Variants in MAGI2 observed in about 807,000 individuals in gnomAD.
MAGI2 encodes the protein membrane-associated guanylate kinase, WW and PDZ domain-containing protein 2.
MAGI2 carries 35 observed loss-of-function variants against 133.3 expected under a neutral mutation model. The observed-to-expected ratio is 0.26, with a 90% CI of 0.20 to 0.35. The LOEUF is 0.35. Ranked by LOEUF, MAGI2 falls within the 10% of genes least tolerant of loss-of-function variation. The pLI is 1.00. For synonymous variants in MAGI2, 729 were observed against 710.6 expected (o/e 1.03, Z -0.41); for missense variants, 1,636 against 1,863.4 (o/e 0.88, Z 2.25).
intron 9 of MAGI2, among the ~76,000 whole-genome samples, chr7:78,259,062 C>T (rs1429072089): frequency 6.6e-6 from 1 of 152,116 alleles, no homozygotes; most frequent in Admixed American, 6.6e-5. Flanking sequence ...TTAATTTTTA[C>T]CAATCTAATG....
rs1792040235 is a variant in MAGI2, at chr7:78,248,552, AG to A, written c.2047+7390del. Among the ~76,000 whole-genome samples the A allele has an allele frequency of 2.6e-5, 4 of 152,190 alleles. No homozygotes were observed. In the South Asian group the frequency reaches 8.3e-4, roughly 31 times the overall value. ...TCACATTAACCTTAAGGACACACAG[AG>A]GCTGAAAATAAAGGGATAGAAGAAG... On this transcript the variant is annotated intron_variant, in intron 10 of 21. Coordinates refer to ENST00000354212, the MANE Select transcript of MAGI2 (RefSeq NM_012301.4).
In MAGI2 at chr7:79,054,118, C is replaced by T. The variant is rs562447583; in HGVS notation, c.302-46912G>A. On this transcript the variant is annotated intron_variant, in intron 1 of 21. Transcript: ENST00000354212. ...GGCTGAGGAGGGAGAATCGCTTGAA[C>T]CCGGGAGGCAGAGGTTGCAATGAGC... 2.6e-5 allele frequency among the ~76,000 whole-genome samples: 4 copies of T among 152,242 alleles called. No homozygotes were observed. In the East Asian group the frequency reaches 7.7e-4, roughly 29 times the overall value.
chr7:78,289,890 C>G (rs759122936), intron 9 of MAGI2, among the ~76,000 whole-genome samples: 8 of 152,110 alleles, frequency 5.3e-5, no homozygotes, highest in Non-Finnish European at 1.0e-4. Flanking sequence ...CCTTTACAGA[C>G]AAGCAAATGC....
intron 2 of MAGI2, among the ~76,000 whole-genome samples, chr7:78,643,743 G>A (rs1810543004): frequency 6.6e-6 from 1 of 152,034 alleles, no homozygotes; most frequent in Admixed American, 6.6e-5. Context: ...CAAGGGGTGG[G>A]GGATGGGAAT....
At chr7:79,181,025 TG>T (rs1826570788) in intron 1 of MAGI2, among the ~76,000 whole-genome samples, 1 of 151,984 alleles carries the variant, frequency 6.6e-6, no homozygotes, top group Non-Finnish European at 1.5e-5. Context: ...TCCACCTCTA[TG>T]GCTTTGCAGG....
chr7:79,377,959 A>C (rs1465416971), intron 1 of MAGI2, among the ~76,000 whole-genome samples: 1 of 151,500 alleles, frequency 6.6e-6, no homozygotes, highest in Non-Finnish European at 1.5e-5. Flanking sequence ...GTCAAAAAAT[A>C]CAGTTCATTA....
At chr7:78,735,145 T>C (rs1821726398) in intron 2 of MAGI2, among the ~76,000 whole-genome samples, 1 of 152,224 alleles carries the variant, frequency 6.6e-6, no homozygotes, top group Non-Finnish European at 1.5e-5. Context: ...TCCATGTGTG[T>C]ACAGATTGCC....
intron 1 of MAGI2, among the ~76,000 whole-genome samples, chr7:79,054,318 A>T (rs142637879): frequency 8.7e-4 from 132 of 152,356 alleles, no homozygotes; most frequent in African/African-American, 2.9e-3. Context: ...TTACAAAATT[A>T]TAAAAGTCCT....
intron 9 of MAGI2, among the ~76,000 whole-genome samples, chr7:78,317,586 A>C (rs62463920): frequency 0.22 from 34,089 of 152,210 alleles, 5,058 homozygotes; most frequent in African/African-American, 0.4. Flanking sequence ...ACGTCTCTGT[A>C]TGATGGCTCT....
chr7:78,071,497 G>C (rs56327212), intron 21 of MAGI2, among the ~76,000 whole-genome samples: 30,209 of 152,070 alleles, frequency 0.2, 3,378 homozygotes, highest in Middle Eastern at 0.27. Flanking sequence ...AGATCACACC[G>C]TTGTACTCCA....
intron 7 of MAGI2, among the ~76,000 whole-genome samples, chr7:78,363,962 C>G (rs1049096752): frequency 1.3e-5 from 2 of 152,212 alleles, no homozygotes; most frequent in African/African-American, 2.4e-5. Flanking sequence ...TTGGCATGCA[C>G]GAAGTGCACA....
At chr7:78,718,046 G>A (rs1819888260) in intron 2 of MAGI2, among the ~76,000 whole-genome samples, 2 of 152,068 alleles carry the variant, frequency 1.3e-5, no homozygotes, top group Admixed American at 1.3e-4. Context: ...TAACAAGGGT[G>A]GAACGCCTTG....
chr7:78,389,445 T>C (rs1482391807), intron 6 of MAGI2, among the ~76,000 whole-genome samples: 1 of 152,220 alleles, frequency 6.6e-6, no homozygotes, highest in East Asian at 1.9e-4. Flanking sequence ...ATCTTACTCA[T>C]CTTTGTGTTC....
At chr7:79,306,895 C>G (rs1837862145) in intron 1 of MAGI2, among the ~76,000 whole-genome samples, 1 of 151,972 alleles carries the variant, frequency 6.6e-6, no homozygotes, top group Non-Finnish European at 1.5e-5. Flanking sequence ...CTTACTGTAA[C>G]CTCCACCTCC....
chr7:78,874,666 C>T (rs578074595), intron 2 of MAGI2, among the ~76,000 whole-genome samples: 10 of 152,158 alleles, frequency 6.6e-5, no homozygotes, highest in African/African-American at 2.4e-4. Flanking sequence ...ATCTATTAGT[C>T]AATGGGTATC....
intron 4 of MAGI2, among the ~76,000 whole-genome samples, chr7:78,515,841 G>A (rs1371654612): frequency 6.6e-6 from 1 of 151,734 alleles, no homozygotes; most frequent in East Asian, 1.9e-4. Flanking sequence ...GGAGGTTTTG[G>A]TGAACCGAGA....
chr7:78,976,347 G>T (rs1804247026), intron 2 of MAGI2, among the ~76,000 whole-genome samples: 1 of 151,446 alleles, frequency 6.6e-6, no homozygotes, highest in Non-Finnish European at 1.5e-5. Context: ...CATCAGTTAT[G>T]ATGGAAAAGC....
At chr7:79,169,301 GA>G (rs1240229711) in intron 1 of MAGI2, among the ~76,000 whole-genome samples, 2 of 151,888 alleles carry the variant, frequency 1.3e-5, no homozygotes, top group South Asian at 2.1e-4. Context: ...AATAGAATTA[GA>G]AAAAAATCAT....
At chr7:79,271,441 A>C (rs1307329349) in intron 1 of MAGI2, among the ~76,000 whole-genome samples, 1 of 152,116 alleles carries the variant, frequency 6.6e-6, no homozygotes, top group East Asian at 1.9e-4. Flanking sequence ...CCTCTGACAC[A>C]TACTAAATAA....
Sources: allele counts gnomAD v4.1 joint callset (sites outside exome capture counted in the v4.1 genomes callset), GRCh38; gene constraint gnomAD v4.1.1; transcripts MANE v1.5; gene names NCBI Gene and HGNC (gene_info 2026-07-23, HGNC 2026-07-21).